ZFHX3: variants seen among roughly 807,000 people sequenced by gnomAD.
The protein encoded by ZFHX3 is zinc finger homeobox 3.
Under a neutral mutation model 279.1 loss-of-function variants are expected in ZFHX3, and 42 were observed. The observed-to-expected ratio is 0.15, with a 90% confidence interval of 0.12 to 0.19. The LOEUF is 0.19. Ranked by LOEUF, ZFHX3 falls within the 10% of genes least tolerant of loss-of-function variation. The pLI is 1.00. For missense variants in ZFHX3, 4,981 were observed against 4,754.0 expected (o/e 1.05, Z -1.40); for synonymous variants, 2,293 against 1,957.8 (o/e 1.17, Z -4.52).
chr16:73,576,245 G>GCCCA lies in ZFHX3; in HGVS notation c.-1547+103931_-1547+103934dup, dbSNP rs200626692. 4.8e-3 allele frequency among the ~76,000 whole-genome samples: 730 copies of GCCCA among 152,196 alleles called. 6 individuals are homozygous for GCCCA. Among genetic ancestry groups the GCCCA allele is most frequent in the African/African-American group, 0.015 (639 of 41,508 alleles). The stretch of plus-strand genomic sequence containing the variant: ...TTTAATCCTTTAAAGAATCAGCAGG[G>GCCCA]CCCACATCAATCAAGAGCCTTCATC... On this transcript the variant is annotated intron_variant, in intron 2 of 17. Transcript: ENST00000641206.
Position 73,831,019 on chromosome 16 carries a change from T to A in ZFHX3, c.-1608+60632A>T, listed in dbSNP as rs557253483. Among the ~76,000 whole-genome samples the A allele has an allele frequency of 2.0e-5, 3 of 152,278 alleles. No homozygotes were observed. The East Asian group carries it at 5.8e-4, about 29-fold the overall frequency. On this transcript the variant is annotated intron_variant, in intron 1 of 17. Transcript: ENST00000641206. ...CAAAGACTGACATTATCCTTAAGAATGCAGATGTTACATATTTCTCTTCCC... is the reference window on the plus strand; with the variant it reads ...CAAAGACTGACATTATCCTTAAGAAAGCAGATGTTACATATTTCTCTTCCC...
chr16:73,378,290 C>T lies in ZFHX3; in HGVS notation c.-1290-59954G>A, dbSNP rs115909595. On this transcript the variant is annotated intron_variant, in intron 3 of 17. Coordinates refer to the ZFHX3 transcript ENST00000641206. Reference sequence around the variant, plus strand: ...GCATTTCAGGAGTAAGGAAGGGTAACATAGTTGTTTTAATTTGCATTTACT... The same window carrying T: ...GCATTTCAGGAGTAAGGAAGGGTAATATAGTTGTTTTAATTTGCATTTACT... Among the ~76,000 whole-genome samples, 387 of 152,196 alleles carry T rather than the reference C, an allele frequency of 2.5e-3. 1 individual carries two copies. Among genetic ancestry groups the T allele is most frequent in the African/African-American group, 8.8e-3 (364 of 41,538 alleles).
At chr16:73,754,459 G>T (rs1472289092) in intron 1 of ZFHX3, among the ~76,000 whole-genome samples, 1 of 151,786 alleles carries the variant, frequency 6.6e-6, no homozygotes, top group Admixed American at 6.6e-5. Context: ...TACCTCTCTG[G>T]TACCCCCGAG....
chr16:73,543,118 C>T, intron 2 of ZFHX3, among the ~76,000 whole-genome samples: 1 of 152,196 alleles, frequency 6.6e-6, no homozygotes, highest in East Asian at 1.9e-4. Flanking sequence ...TTTTTCAACA[C>T]GGCTCTAACA....
intron 4 of ZFHX3, among the ~76,000 whole-genome samples, chr16:73,258,796 G>A (rs2013735597): frequency 1.3e-5 from 2 of 152,100 alleles, no homozygotes; most frequent in African/African-American, 2.4e-5. Flanking sequence ...TAAATGAGAT[G>A]GATCTTTCTT....
chr16:73,784,816 T>TATACACACACAC (rs1555501460), intron 1 of ZFHX3, among the ~76,000 whole-genome samples: 1 of 135,510 alleles, frequency 7.4e-6, no homozygotes, highest in African/African-American at 2.9e-5. Flanking sequence ...TATATATATA[T>TATACACACACAC]ACACACACAC....
At chr16:73,614,688 C>G (rs1276441614) in intron 2 of ZFHX3, among the ~76,000 whole-genome samples, 2 of 152,158 alleles carry the variant, frequency 1.3e-5, no homozygotes, top group African/African-American at 4.8e-5. Flanking sequence ...AGCCCTGCCT[C>G]ACCTTTATGA....
intron 1 of ZFHX3, among the ~76,000 whole-genome samples, chr16:73,814,717 A>T (rs1015065417): frequency 1.6e-4 from 24 of 151,866 alleles, no homozygotes; most frequent in African/African-American, 5.3e-4. Context: ...ATGGGCACCC[A>T]CCACCATGCC....
At chr16:72,970,067 T>C (rs1038226084) in intron 1 of ZFHX3, among the ~76,000 whole-genome samples, 2 of 152,200 alleles carry the variant, frequency 1.3e-5, no homozygotes, top group African/African-American at 4.8e-5. Flanking sequence ...TGAAAACTGC[T>C]AGCTCAGCCC....
Position 73,101,370 on chromosome 16 carries a change from C to T in ZFHX3, c.-896-7772G>A, listed in dbSNP as rs550959666. 1.7e-4 allele frequency among the ~76,000 whole-genome samples: 26 copies of T among 152,100 alleles called. No individual in the cohort carries two copies. The East Asian group carries it at 3.9e-3, about 23-fold the overall frequency. ...CTTTTGGCACAAGTAATATAATTAC[C>T]GTGTTGAAAGGTATTGCTCCCCTTT... On this transcript the variant is annotated intron_variant, in intron 7 of 17. Coordinates refer to the ZFHX3 transcript ENST00000641206.
At chr16:73,445,255 T>G (rs1186774114) in intron 3 of ZFHX3, among the ~76,000 whole-genome samples, 1 of 149,196 alleles carries the variant, frequency 6.7e-6, no homozygotes, top group Admixed American at 6.8e-5. Flanking sequence ...TATGTGTATA[T>G]GTGTGTATAT....
intron 1 of ZFHX3, among the ~76,000 whole-genome samples, chr16:73,833,887 TG>T (rs1961067427): frequency 6.6e-6 from 1 of 151,192 alleles, no homozygotes; most frequent in South Asian, 2.1e-4. Flanking sequence ...TATGCATATA[TG>T]TATATGTATG....
chr16:73,493,228 A>C (rs1229593555), intron 2 of ZFHX3, among the ~76,000 whole-genome samples: 1 of 152,224 alleles, frequency 6.6e-6, no homozygotes, highest in Non-Finnish European at 1.5e-5. Flanking sequence ...CCATGAACCT[A>C]TCTGGTTCCC....
At chr16:73,490,491 C>T (rs1184875523) in intron 2 of ZFHX3, among the ~76,000 whole-genome samples, 1 of 152,190 alleles carries the variant, frequency 6.6e-6, no homozygotes, top group Non-Finnish European at 1.5e-5. Context: ...TGCTATGTTA[C>T]GTAACTCCAC....
intron 5 of ZFHX3, among the ~76,000 whole-genome samples, chr16:73,176,448 T>C (rs1967666665): frequency 6.6e-6 from 1 of 152,194 alleles, no homozygotes; most frequent in African/African-American, 2.4e-5. Context: ...GTGAGTACAC[T>C]GTATTATATT....
At chr16:73,374,143 G>A (rs1182226710) in intron 3 of ZFHX3, among the ~76,000 whole-genome samples, 2 of 152,168 alleles carry the variant, frequency 1.3e-5, no homozygotes, top group African/African-American at 2.4e-5. Flanking sequence ...GGGAGCCGGC[G>A]ACAGGAAAAA....
chr16:73,104,615 C>T (rs1001758487), intron 7 of ZFHX3, among the ~76,000 whole-genome samples: 13 of 152,106 alleles, frequency 8.5e-5, no homozygotes, highest in African/African-American at 2.2e-4. Flanking sequence ...TGGGGGAGTA[C>T]GTACCACATG....
chr16:72,962,097 T>C (rs756718), intron 1 of ZFHX3, among the ~76,000 whole-genome samples: 40,692 of 152,044 alleles, frequency 0.27, 6,092 homozygotes, highest in Admixed American at 0.33. Flanking sequence ...AACAGCCCGA[T>C]TGTAAAATCA....
intron 3 of ZFHX3, among the ~76,000 whole-genome samples, chr16:72,914,944 T>C (rs1435346870): frequency 6.6e-6 from 1 of 152,096 alleles, no homozygotes; most frequent in Non-Finnish European, 1.5e-5. Context: ...TGAGCTGAGA[T>C]CACACTACTG....
Sources: allele counts gnomAD v4.1 joint callset (sites outside exome capture counted in the v4.1 genomes callset), GRCh38; gene constraint gnomAD v4.1.1; transcripts MANE v1.5; gene names NCBI Gene and HGNC (gene_info 2026-07-23, HGNC 2026-07-21).